KCTD16: variants seen among roughly 807,000 people sequenced by gnomAD.
KCTD16 encodes potassium channel tetramerization domain containing 16, also known as BTB/POZ domain-containing protein KCTD16.
In KCTD16, 13 loss-of-function variants were observed where a neutral mutation model predicts 33.2. The observed-to-expected ratio is 0.39, with a 90% CI of 0.25 to 0.62. KCTD16 has a LOEUF of 0.62. KCTD16 is among the 20% of genes least tolerant of loss of function. KCTD16 has a pLI of 0.50. For missense variants in KCTD16, 441 were observed against 525.1 expected (o/e 0.84, Z 1.57); for synonymous variants, 197 against 195.3 (o/e 1.01, Z -0.07).
At chr5:144,455,801 G>C (rs1371633116) in intron 3 of KCTD16, among the ~76,000 whole-genome samples, 1 of 152,186 alleles carries the variant, frequency 6.6e-6, no homozygotes, top group Non-Finnish European at 1.5e-5. Flanking sequence ...CATAAATTGG[G>C]AGTGGACTGT....
chr5:144,460,075 G>T (rs919937640), intron 3 of KCTD16, among the ~76,000 whole-genome samples: 1 of 151,676 alleles, frequency 6.6e-6, no homozygotes. Flanking sequence ...CTCGTGATCC[G>T]CCCGCCTCAG....
Position 144,206,691 on chromosome 5 carries a change from TAGC to T in KCTD16, c.-15_-13del. The stretch of plus-strand genomic sequence containing the variant: ...ATTGGATTGCACCTTTAAATCAAAA[TAGC>T]AGCAGCAGAAGAAAGGGACAATGGC... On this transcript the variant is annotated 5_prime_UTR_variant, in exon 3 of 4. Coordinates refer to ENST00000512467, the MANE Select transcript of KCTD16 (RefSeq NM_020768.4). 1 of 1,580,586 alleles carries T rather than the reference TAGC, an allele frequency of 6.3e-7. No individual in the cohort carries two copies. Among genetic ancestry groups the T allele is most frequent in the Non-Finnish European group, 8.6e-7 (1 of 1,157,754 alleles).
intron 3 of KCTD16, among the ~76,000 whole-genome samples, chr5:144,462,986 G>A (rs1453103915): frequency 2.0e-5 from 3 of 152,152 alleles, no homozygotes; most frequent in Non-Finnish European, 4.4e-5. Flanking sequence ...AAGACAAATC[G>A]TATATAAAGG....
In KCTD16 at chr5:144,364,222, T is replaced by C. The variant is rs1751781825; in HGVS notation, c.833-109438T>C. ...TGCAATGACTAGGCGAAGGTACGGCTCTGGTGGCACGGTCAAGCTTCTGCA... is the reference window on the plus strand; with the variant it reads ...TGCAATGACTAGGCGAAGGTACGGCCCTGGTGGCACGGTCAAGCTTCTGCA... On this transcript the variant is annotated intron_variant, in intron 3 of 3. Coordinates refer to ENST00000512467, the MANE Select transcript of KCTD16 (RefSeq NM_020768.4). 4.6e-5 allele frequency among the ~76,000 whole-genome samples: 7 copies of C among 152,310 alleles called. No individual in the cohort carries two copies. The South Asian group carries it at 1.4e-3, about 32-fold the overall frequency.
chr5:144,443,578 T>G (rs143632814), intron 3 of KCTD16, among the ~76,000 whole-genome samples: 10 of 152,192 alleles, frequency 6.6e-5, no homozygotes, highest in African/African-American at 1.7e-4. Context: ...AAGCTTGATA[T>G]TTCTCTTAAC....
chr5:144,343,123 C>A (rs958696994), intron 3 of KCTD16, among the ~76,000 whole-genome samples: 9 of 152,108 alleles, frequency 5.9e-5, no homozygotes, highest in African/African-American at 2.2e-4. Context: ...CCCTCTTTTT[C>A]TATTGATTGG....
At chr5:144,254,313 T>G (rs1012030473) in intron 3 of KCTD16, among the ~76,000 whole-genome samples, 13 of 151,340 alleles carry the variant, frequency 8.6e-5, no homozygotes, top group Middle Eastern at 3.2e-3. Context: ...ATTTTTTTTT[T>G]TTGTTTTTTT....
chr5:144,296,901 T>G (rs1756053075), intron 3 of KCTD16, among the ~76,000 whole-genome samples: 1 of 152,244 alleles, frequency 6.6e-6, no homozygotes, highest in Non-Finnish European at 1.5e-5. Flanking sequence ...AATCTACATA[T>G]GTGAATAATG....
At chr5:144,352,687 C>T (rs772341053) in intron 3 of KCTD16, among the ~76,000 whole-genome samples, 5 of 152,296 alleles carry the variant, frequency 3.3e-5, no homozygotes, top group East Asian at 1.9e-4. Context: ...TAATTTTTCA[C>T]GTGCTTCAGT....
chr5:144,406,278 T>C (rs1286553662), intron 3 of KCTD16, among the ~76,000 whole-genome samples: 1 of 152,198 alleles, frequency 6.6e-6, no homozygotes, highest in African/African-American at 2.4e-5. Context: ...GATTTATGTT[T>C]TCCCATCATG....
At chr5:144,399,534 A>G (rs890882533) in intron 3 of KCTD16, among the ~76,000 whole-genome samples, 6 of 152,134 alleles carry the variant, frequency 3.9e-5, no homozygotes, top group Non-Finnish European at 1.5e-5. Flanking sequence ...TTGAATTGCA[A>G]CCATTTGATT....
chr5:144,219,189 T>G (rs922297956), intron 3 of KCTD16, among the ~76,000 whole-genome samples: 1 of 152,156 alleles, frequency 6.6e-6, no homozygotes, highest in African/African-American at 2.4e-5. Flanking sequence ...GCCAGGCATT[T>G]TGTCTCCCAG....
chr5:144,198,128 C>G (rs1752972668), intron 2 of KCTD16, among the ~76,000 whole-genome samples: 1 of 152,190 alleles, frequency 6.6e-6, no homozygotes, highest in Non-Finnish European at 1.5e-5. Flanking sequence ...ATGTAGAACT[C>G]AATGTCTGAG....
At chr5:144,221,214 T>G (rs1389774973) in intron 3 of KCTD16, among the ~76,000 whole-genome samples, 2 of 152,200 alleles carry the variant, frequency 1.3e-5, no homozygotes, top group African/African-American at 4.8e-5. Context: ...TGAGTGAACA[T>G]CTAGAGAATG....
intron 3 of KCTD16, among the ~76,000 whole-genome samples, chr5:144,282,472 A>G (rs941286865): frequency 6.6e-6 from 1 of 152,186 alleles, no homozygotes; most frequent in Non-Finnish European, 1.5e-5. Context: ...CTACTCTAGC[A>G]TATTAATCAT....
intron 3 of KCTD16, among the ~76,000 whole-genome samples, chr5:144,363,203 A>C: frequency 6.6e-6 from 1 of 152,102 alleles, no homozygotes; most frequent in Non-Finnish European, 1.5e-5. Flanking sequence ...TTAGCCAGAC[A>C]TGGTGGCAGG....
At chr5:144,456,272 G>A (rs58441950) in intron 3 of KCTD16, among the ~76,000 whole-genome samples, 4,137 of 151,904 alleles carry the variant, frequency 0.027, 171 homozygotes, top group African/African-American at 0.091. Flanking sequence ...ATAGTGTACT[G>A]TTGTTTTTAC....
At chr5:144,440,972 G>A (rs1264803158) in intron 3 of KCTD16, among the ~76,000 whole-genome samples, 3 of 147,184 alleles carry the variant, frequency 2.0e-5, no homozygotes, top group African/African-American at 7.6e-5. Context: ...TACCACCTGT[G>A]AGTGAGAACA....
chr5:144,420,727 T>A (rs1753190813), intron 3 of KCTD16, among the ~76,000 whole-genome samples: 1 of 152,096 alleles, frequency 6.6e-6, no homozygotes, highest in African/African-American at 2.4e-5. Flanking sequence ...GCTTTATCTC[T>A]GATAAAACCA....
Sources: gnomAD v4.1 joint callset for allele counts (sites outside exome capture counted in the v4.1 genomes callset) on GRCh38, gnomAD v4.1.1 for gene constraint, MANE v1.5 for transcripts, NCBI Gene and HGNC (gene_info 2026-07-23, HGNC 2026-07-21) for gene names.